Variants in GSTA5 observed in about 807,000 individuals in gnomAD.
GSTA5 encodes glutathione S-transferase A5.
GSTA5 carries 25 observed loss-of-function variants against 21.8 expected under a neutral mutation model. The observed-to-expected ratio is 1.14, with a 90% CI of 0.83 to 1.60. GSTA5 has a LOEUF of 1.60. GSTA5 is among the 40% of genes most tolerant of loss of function. The pLI, the probability that GSTA5 is intolerant of heterozygous loss-of-function variation, is 0.00. For synonymous variants in GSTA5, 102 were observed against 89.5 expected (o/e 1.14, Z -0.78); for missense variants, 330 against 259.2 (o/e 1.27, Z -1.88).
At chr6:52,839,348 AC>A (rs1764339161) in intron 1 of GSTA5, among the ~76,000 whole-genome samples, 1 of 151,602 alleles carries the variant, frequency 6.6e-6, no homozygotes, top group Non-Finnish European at 1.5e-5. Flanking sequence ...AACTCTTCCT[AC>A]CCGGGCTCTG....
chr6:52,835,031 T>A (rs968745477), intron 3 of GSTA5, among the ~76,000 whole-genome samples: 1 of 152,254 alleles, frequency 6.6e-6, no homozygotes, highest in African/African-American at 2.4e-5. Context: ...CGTACTGTAA[T>A]TGCAACCTGT....
At chr6:52,839,977 G>C (rs1468157716) in intron 1 of GSTA5, among the ~76,000 whole-genome samples, 3 of 152,236 alleles carry the variant, frequency 2.0e-5, no homozygotes, top group Admixed American at 1.3e-4. Flanking sequence ...CCATGACCTA[G>C]TACAGAACCT....
upstream of GSTA5, among the ~76,000 whole-genome samples, chr6:52,845,455 TTACAC>T (rs1764441379): frequency 6.6e-6 from 1 of 152,150 alleles, no homozygotes. Flanking sequence ...ATTCAAAGAA[TTACAC>T]AGTTCAAAGG....
intron 4 of GSTA5, among the ~76,000 whole-genome samples, chr6:52,833,747 C>G (rs1317628073): frequency 1.3e-5 from 2 of 152,194 alleles, no homozygotes; most frequent in South Asian, 2.1e-4. Context: ...TCTTCCTACA[C>G]AGGATGCCAG....
chr6:52,842,917 A>C (rs1321289293), upstream of GSTA5, among the ~76,000 whole-genome samples: 1 of 152,032 alleles, frequency 6.6e-6, no homozygotes, highest in Non-Finnish European at 1.5e-5. Flanking sequence ...CCACCCCACT[A>C]TAGGTCCCGG....
chr6:52,842,104 C>G (rs546597392), upstream of GSTA5, among the ~76,000 whole-genome samples: 1 of 152,186 alleles, frequency 6.6e-6, no homozygotes, highest in African/African-American at 2.4e-5. Context: ...TGACTGGGCT[C>G]ATCAGTGAAG....
At chr6:52,832,617 G>A (rs1764232987) in intron 5 of GSTA5, among the ~76,000 whole-genome samples, 1 of 152,146 alleles carries the variant, frequency 6.6e-6, no homozygotes, top group Non-Finnish European at 1.5e-5. Flanking sequence ...TGGGCACTGG[G>A]TCCTTTCCAT....
At chr6:52,840,684 G>T (rs73740671) in intron 1 of GSTA5, 43 bp downstream of exon 1, 1 of 1,544,786 alleles carries the variant, frequency 6.5e-7, no homozygotes, top group East Asian at 2.2e-5. Context: ...ATGTGATAAC[G>T]CAATTTTAAA....
chr6:52,833,292 G>GAA (rs374315489), intron 4 of GSTA5, among the ~76,000 whole-genome samples: 1 of 152,062 alleles, frequency 6.6e-6, no homozygotes, highest in Non-Finnish European at 1.5e-5. Context: ...CTGCCTCCAT[G>GAA]TGTTCTGTCT....
chr6:52,846,188 C>T, the GSTA5 span: 1 of 168,612 alleles, frequency 5.9e-6, no homozygotes, highest in East Asian at 1.2e-4. Flanking sequence ...GGAAAACCCA[C>T]TCCCACACAT....
exon 6 of GSTA5, chr6:52,831,902 C>T (rs564874046): frequency 1.2e-6 from 2 of 1,613,842 alleles, no homozygotes; most frequent in South Asian, 1.1e-5. Context: ...CCATGGGAGG[C>T]TTTCTCTGGC....
upstream of GSTA5, among the ~76,000 whole-genome samples, chr6:52,843,505 T>C (rs1198203857): frequency 3.3e-5 from 5 of 152,254 alleles, no homozygotes; most frequent in Non-Finnish European, 1.5e-5. Context: ...TGACCAGTGA[T>C]GATGAGCTTT....
rs780936018 is a variant in GSTA5 at position 52,832,933 on chromosome 6, TG to T, written c.471del (p.Asp157GlufsTer25). 1 of 1,614,022 alleles carries T rather than the reference TG, an allele frequency of 6.2e-7. No individual in the cohort carries two copies. Among genetic ancestry groups the T allele is most frequent in the East Asian group, 2.2e-5 (1 of 44,878 alleles). On this transcript the variant is annotated frameshift_variant, in exon 5 of 6. Coordinates refer to ENST00000370989, the Ensembl canonical transcript of GSTA5. LOFTEE classifies it high-confidence loss of function. ...TAGTAGAAAAGTTCCACCAGGTGAA[TG>T]TCAGCCCAGCTCAGCTTGTTGCCAA...
chr6:52,839,324 C>T (rs1011738021), intron 1 of GSTA5, among the ~76,000 whole-genome samples: 15 of 152,084 alleles, frequency 9.9e-5, no homozygotes, highest in African/African-American at 3.6e-4. Flanking sequence ...CTTGCCCCTC[C>T]CTCCCTCCTG....
chr6:52,836,524 T>G (rs1561926640), intron 2 of GSTA5, among the ~76,000 whole-genome samples, 156 bp from the exon 3 acceptor site: 1 of 152,236 alleles, frequency 6.6e-6, no homozygotes, highest in Non-Finnish European at 1.5e-5. Flanking sequence ...CCTTGTTTTG[T>G]TTTTTGAGAC....
At chr6:52,845,358 C>T (rs918530028), upstream of GSTA5, among the ~76,000 whole-genome samples, 12 of 152,260 alleles carry the variant, frequency 7.9e-5, no homozygotes, top group Admixed American at 2.6e-4. Flanking sequence ...GTTGTCACAT[C>T]TGCGGGGAGG....
chr6:52,835,949 G>T (rs1764286081), intron 3 of GSTA5, among the ~76,000 whole-genome samples: 1 of 152,170 alleles, frequency 6.6e-6, no homozygotes, highest in African/African-American at 2.4e-5. Context: ...CCTGAATCAT[G>T]ATTCCCCATC....
At position 52,836,467 on chromosome 6, in the gene GSTA5, A is replaced by G. The variant is rs1172215405; in HGVS notation, c.140-99T>C. On this transcript the variant is annotated intron_variant, in intron 2 of 5. Transcript: ENST00000370989. ...TGGAAATGACTAAATTTGTGAAATG[A>G]AAAAGAAATTATTGCCTGTTAAGTT... The G allele has an allele frequency of 2.4e-6, 3 of 1,256,862 alleles. No individual in the cohort carries two copies. In the African/African-American group the frequency reaches 4.5e-5, roughly 19 times the overall value. The allele number at this position is 1,256,862 out of a possible 1,614,324, so 77.9% of individuals were successfully genotyped here.
chr6:52,841,745 G>C (rs1764379686), upstream of GSTA5, among the ~76,000 whole-genome samples: 1 of 152,206 alleles, frequency 6.6e-6, no homozygotes, highest in African/African-American at 2.4e-5. Context: ...AAGGTGAAAG[G>C]CTGTTGCTAT....
Sources: allele counts gnomAD v4.1 joint callset (sites outside exome capture counted in the v4.1 genomes callset), GRCh38; gene constraint gnomAD v4.1.1; transcripts MANE v1.5; gene names NCBI Gene and HGNC (gene_info 2026-07-23, HGNC 2026-07-21).